The following KIAA2012 variants were observed in gnomAD, a reference collection of about 807,000 sequenced individuals.
KIAA2012 encodes KIAA2012.
A neutral mutation model predicts 150.6 loss-of-function variants in KIAA2012; 125 were observed. The ratio of observed to expected loss-of-function variants is 0.83; its 90% confidence interval spans 0.72 to 0.96. The LOEUF (loss-of-function observed/expected upper bound fraction) is 0.96, where lower values mean the gene tolerates loss of function less well. Among genes scored for constraint, KIAA2012 ranks in the 40% least tolerant of loss-of-function variants. KIAA2012 has a pLI of 0.00. For synonymous variants in KIAA2012, 462 were observed against 504.7 expected, an observed-to-expected ratio of 0.92 and a Z score of 1.13; for missense variants, 1,219 against 1,354.9, an observed-to-expected ratio of 0.90 and a Z score of 1.57.
intron 7 of KIAA2012, among the ~76,000 whole-genome samples, chr2:202,101,270 T>C (rs1442820108): frequency 6.6e-6 from 1 of 152,272 alleles, no homozygotes; most frequent in Non-Finnish European, 1.5e-5. Context: ...GCACTCCAGG[T>C]GGTCCTGCTG....
intron 15 of KIAA2012, chr2:202,179,941 AT>A: frequency 2.6e-6 from 2 of 775,772 alleles, no homozygotes; most frequent in Non-Finnish European, 4.2e-6. Flanking sequence ...ACGAAGCTGG[AT>A]TTAGGGGGCT....
At chr2:202,191,401 C>T (rs978438053) in intron 19 of KIAA2012, among the ~76,000 whole-genome samples, 14 of 151,914 alleles carry the variant, frequency 9.2e-5, no homozygotes, top group African/African-American at 2.7e-4. Flanking sequence ...GCAATTCGGC[C>T]GGATGCAGTG....
intron 2 of KIAA2012, among the ~76,000 whole-genome samples, chr2:202,077,855 G>A (rs1689359867): frequency 6.6e-6 from 1 of 152,038 alleles, no homozygotes; most frequent in South Asian, 2.1e-4. Flanking sequence ...AAAAGGAAAG[G>A]AACACCTCAG....
chr2:202,136,039 G>T (rs1160039891), intron 12 of KIAA2012: 3 of 395,766 alleles, frequency 7.6e-6, no homozygotes, highest in East Asian at 8.2e-5. Flanking sequence ...ACTCTGTTGT[G>T]TCCGGAAATG....
chr2:202,081,812 G>T (rs1284390809), intron 2 of KIAA2012, among the ~76,000 whole-genome samples: 1 of 152,130 alleles, frequency 6.6e-6, no homozygotes, highest in African/African-American at 2.4e-5. Flanking sequence ...CTACCAAAGT[G>T]CTGGGATTAC....
At chr2:202,134,243 G>T (rs1486202968) in intron 12 of KIAA2012, among the ~76,000 whole-genome samples, 8 of 152,180 alleles carry the variant, frequency 5.3e-5, no homozygotes, top group Admixed American at 4.6e-4. Context: ...GCCATCAAAG[G>T]GTGTGCATGC....
At chr2:202,076,474 G>C (rs953621113) in intron 2 of KIAA2012, among the ~76,000 whole-genome samples, 1 of 152,134 alleles carries the variant, frequency 6.6e-6, no homozygotes, top group Non-Finnish European at 1.5e-5. Flanking sequence ...TGATGATCCT[G>C]ACTGAATGCC....
intron 19 of KIAA2012, among the ~76,000 whole-genome samples, chr2:202,192,621 C>A (rs1249301410): frequency 6.6e-6 from 1 of 152,056 alleles, no homozygotes; most frequent in Non-Finnish European, 1.5e-5. Context: ...CCATACCTGG[C>A]TAATTTTGTA....
At chr2:202,196,194 T>TCTTTTTTC in intron 21 of KIAA2012, among the ~76,000 whole-genome samples, 1 of 131,148 alleles carries the variant, frequency 7.6e-6, no homozygotes, top group Non-Finnish European at 1.6e-5. Context: ...TTCTTTTTTT[T>TCTTTTTTC]TTTTTTTTTT....
chr2:202,107,864 C>T (rs1022169275), intron 9 of KIAA2012, among the ~76,000 whole-genome samples: 1 of 152,070 alleles, frequency 6.6e-6, no homozygotes, highest in Non-Finnish European at 1.5e-5. Context: ...CAAAAATTAG[C>T]CGGGTGTGGT....
At chr2:202,086,120 A>G (rs967588579) in intron 2 of KIAA2012, among the ~76,000 whole-genome samples, 3 of 147,568 alleles carry the variant, frequency 2.0e-5, no homozygotes, top group Admixed American at 1.4e-4. Flanking sequence ...GTGAGCCAAG[A>G]TCACACCACT....
At chr2:202,136,446 T>G (rs4675265) in intron 12 of KIAA2012, 152,243 of 152,648 alleles carry the variant, frequency 1, 75,920 homozygotes, top group Middle Eastern at 1. Flanking sequence ...TAGACACAGA[T>G]TGCTGATGGG....
intron 2 of KIAA2012, among the ~76,000 whole-genome samples, chr2:202,089,958 T>C (rs1247706320): frequency 1.3e-5 from 2 of 152,230 alleles, no homozygotes; most frequent in Non-Finnish European, 2.9e-5. Flanking sequence ...GAAAATGGAT[T>C]CTGAGATCAC....
intron 15 of KIAA2012, among the ~76,000 whole-genome samples, chr2:202,183,476 A>ATT (rs71406950): frequency 0.18 from 17,723 of 95,814 alleles, 1,949 homozygotes; most frequent in South Asian, 0.24. Flanking sequence ...GGTTTTTTAA[A>ATT]TTTTTTTTTT....
chr2:202,094,308 A>C (rs187034908), intron 4 of KIAA2012, among the ~76,000 whole-genome samples: 254 of 152,274 alleles, frequency 1.7e-3, no homozygotes, highest in African/African-American at 5.8e-3. Flanking sequence ...GAAATTTTCC[A>C]GAAACAGTGG....
chr2:202,081,543 C>CTTT (rs71025274), intron 2 of KIAA2012, among the ~76,000 whole-genome samples: 5 of 112,738 alleles, frequency 4.4e-5, no homozygotes, highest in South Asian at 2.7e-4. Context: ...TTTTTAAACA[C>CTTT]TTTTTTTTTT....
intron 15 of KIAA2012, among the ~76,000 whole-genome samples, chr2:202,180,195 C>T (rs1163379163): frequency 4.7e-5 from 7 of 147,702 alleles, no homozygotes; most frequent in Non-Finnish European, 1.0e-4. Flanking sequence ...CACTTGAACC[C>T]GGGAGGCGGA....
chr2:202,109,624 C>A lies in KIAA2012; in HGVS notation c.1486C>A (p.Pro496Thr). 1 of 1,532,268 alleles carries A rather than the reference C, an allele frequency of 6.5e-7. No homozygotes were observed. Among genetic ancestry groups the A allele is most frequent in the Non-Finnish European group, 8.8e-7 (1 of 1,141,394 alleles). The allele number at this position is 1,532,268 out of a possible 1,614,324, so 94.9% of individuals were successfully genotyped here. Residue 496 changes from proline to threonine, a missense_variant, in exon 10 of 24, where the codon CCA (proline) becomes ACA (threonine). Pro to Thr is a conservative substitution (Grantham distance 38, BLOSUM62 -1). Coordinates refer to ENST00000498697, the MANE Select transcript of KIAA2012 (RefSeq NM_001277372.4). ...DTLSPQDDDA[P>T]PHDVAPPLDL... The stretch of plus-strand genomic sequence containing the variant: ...TTTTGTTTTTAAAGATGATGATGCC[C>A]CACCTCACGATGTGGCCCCACCATT...
chr2:202,149,099 A>T (rs377242854), intron 13 of KIAA2012, among the ~76,000 whole-genome samples: 2 of 152,138 alleles, frequency 1.3e-5, no homozygotes, highest in South Asian at 2.1e-4. Flanking sequence ...CCCCTACCCT[A>T]GCAGGGGGCG....
Sources: allele counts gnomAD v4.1 joint callset (sites outside exome capture counted in the v4.1 genomes callset), GRCh38; gene constraint gnomAD v4.1.1; transcripts MANE v1.5; gene names NCBI Gene and HGNC (gene_info 2026-07-23, HGNC 2026-07-21).